Variants in CSGALNACT1 observed in about 807,000 individuals in gnomAD.
The protein encoded by CSGALNACT1 is chondroitin sulfate N-acetylgalactosaminyltransferase 1.
CSGALNACT1 carries 52 observed loss-of-function variants against 51.0 expected under a neutral mutation model. The ratio of observed to expected loss-of-function variants is 1.02; its 90% CI spans 0.82 to 1.29. The LOEUF (loss-of-function observed/expected upper bound fraction) is 1.29. Among genes scored for constraint, CSGALNACT1 ranks in the 50% most tolerant of loss-of-function variants. The probability of loss-of-function intolerance (pLI) is 0.00; values close to 1 mark genes in which losing one functional copy is unlikely to be tolerated. For missense variants in CSGALNACT1, 935 were observed against 679.2 expected (o/e 1.38, Z -4.19); for synonymous variants, 341 against 254.4 (o/e 1.34, Z -3.24).
At chr8:19,706,755 C>T (rs1337127739) in intron 1 of CSGALNACT1, among the ~76,000 whole-genome samples, 2 of 152,142 alleles carry the variant, frequency 1.3e-5, no homozygotes, top group Admixed American at 6.5e-5. Context: ...TCCCTAGTAG[C>T]TGGCACTACA....
At chr8:19,451,167 A>G (rs998761315) in intron 5 of CSGALNACT1, among the ~76,000 whole-genome samples, 2 of 152,160 alleles carry the variant, frequency 1.3e-5, no homozygotes, top group African/African-American at 2.4e-5. Flanking sequence ...GGGTGCTAGG[A>G]GAAACCTCAT....
intron 1 of CSGALNACT1, among the ~76,000 whole-genome samples, chr8:19,647,308 G>A (rs774721810): frequency 1.3e-5 from 2 of 152,160 alleles, no homozygotes; most frequent in Non-Finnish European, 2.9e-5. Flanking sequence ...TCCCAACACT[G>A]TGAGAGGTCA....
chr8:19,628,416 A>C (rs1233469226), intron 1 of CSGALNACT1, among the ~76,000 whole-genome samples: 1 of 152,180 alleles, frequency 6.6e-6, no homozygotes, highest in Non-Finnish European at 1.5e-5. Flanking sequence ...TGCCCACATG[A>C]TCCAGTGACC....
intron 3 of CSGALNACT1, among the ~76,000 whole-genome samples, chr8:19,553,642 A>T (rs34817139): frequency 0.32 from 33,190 of 103,846 alleles, 5,782 homozygotes; most frequent in African/African-American, 0.48. Flanking sequence ...TATATATAAA[A>T]AAATATGTCA....
chr8:19,545,525 G>C (rs561260281), intron 3 of CSGALNACT1, among the ~76,000 whole-genome samples: 2 of 152,210 alleles, frequency 1.3e-5, no homozygotes, highest in South Asian at 4.1e-4. Context: ...CAAGTGTCCT[G>C]ATAGCAAAGA....
chr8:19,578,644 C>A lies in CSGALNACT1; in HGVS notation c.-297+12516G>T, dbSNP rs1423610894. ...TGGGTGTGTTAGATACTACTCTAAA[C>A]TGCGCTACCCACCTCCCTCTAGACC... On this transcript the variant is annotated intron_variant, in intron 3 of 9. Transcript: ENST00000454498. 2.6e-5 allele frequency among the ~76,000 whole-genome samples: 4 copies of A among 152,092 alleles called. No homozygotes were observed. The East Asian group carries it at 7.7e-4, about 29-fold the overall frequency.
intron 1 of CSGALNACT1, among the ~76,000 whole-genome samples, chr8:19,715,748 A>T (rs541551387): frequency 2.0e-5 from 3 of 152,238 alleles, no homozygotes; most frequent in African/African-American, 7.2e-5. Context: ...TAGTTCTGCT[A>T]GGTGTCTAGT....
chr8:19,670,872 C>T (rs1268482782), intron 1 of CSGALNACT1, among the ~76,000 whole-genome samples: 2 of 152,152 alleles, frequency 1.3e-5, no homozygotes, highest in African/African-American at 2.4e-5. Context: ...TATGACTCCC[C>T]TGAAGCCCAG....
chr8:19,528,675 A>C (rs1412376647), intron 3 of CSGALNACT1, among the ~76,000 whole-genome samples: 1 of 152,170 alleles, frequency 6.6e-6, no homozygotes, highest in Non-Finnish European at 1.5e-5. Context: ...CCAAATCTGT[A>C]TGATGGGTTC....
chr8:19,752,942 G>A (rs2065132675), intron 1 of CSGALNACT1, among the ~76,000 whole-genome samples: 1 of 152,146 alleles, frequency 6.6e-6, no homozygotes, highest in Non-Finnish European at 1.5e-5. Context: ...TCCTAAAAAT[G>A]ACTCCCAAGT....
chr8:19,528,696 C>A (rs778731535), intron 3 of CSGALNACT1, among the ~76,000 whole-genome samples: 5 of 152,200 alleles, frequency 3.3e-5, no homozygotes, highest in Non-Finnish European at 5.9e-5. Context: ...TCCCTCAACA[C>A]CCTCTTACTA....
At chr8:19,438,837 C>T (rs372093641) in intron 6 of CSGALNACT1, among the ~76,000 whole-genome samples, 10 of 152,094 alleles carry the variant, frequency 6.6e-5, no homozygotes, top group African/African-American at 2.4e-4. Flanking sequence ...GATCTTGGGC[C>T]CATTAATACA....
Position 19,610,053 on chromosome 8 carries a change from C to A in CSGALNACT1, c.-543-8188G>T, listed in dbSNP as rs185547277. On this transcript the variant is annotated intron_variant, in intron 1 of 9. Transcript: ENST00000332246. Reference sequence around the variant, plus strand: ...CCTGGCTAAGATGGTGAAACCCCGTCTCTACTAAAAATACAAAAGTTAGCC... The same window carrying A: ...CCTGGCTAAGATGGTGAAACCCCGTATCTACTAAAAATACAAAAGTTAGCC... Among the ~76,000 whole-genome samples, 78 of 151,934 alleles carry A rather than the reference C, an allele frequency of 5.1e-4. 2 individuals are homozygous for A. The East Asian group carries it at 9.2e-3, about 18-fold the overall frequency.
rs191524526 is a variant in CSGALNACT1 at position 19,526,603 on chromosome 8, A to G, written c.-296-20473T>C. On this transcript the variant is annotated intron_variant, in intron 3 of 9. Transcript: ENST00000454498. ...TTTCAAAATAATAATAATAATTTAT[A>G]TATAAAAATTGTAGGTAAAAGAGAA... Among the ~76,000 whole-genome samples, 1,003 of 152,180 alleles carry G rather than the reference A, an allele frequency of 6.6e-3. 5 individuals carry two copies. The highest frequency in any genetic ancestry group is 8.9e-3 in the Non-Finnish European group (605 of 68,020).
At chr8:19,653,583 C>G (rs145582190) in intron 1 of CSGALNACT1, among the ~76,000 whole-genome samples, 73 of 152,232 alleles carry the variant, frequency 4.8e-4, no homozygotes, top group African/African-American at 1.7e-3. Flanking sequence ...CACTTGACCC[C>G]AGGAGTTAGA....
chr8:19,646,369 C>A (rs1470476782), intron 1 of CSGALNACT1, among the ~76,000 whole-genome samples: 1 of 152,154 alleles, frequency 6.6e-6, no homozygotes, highest in Non-Finnish European at 1.5e-5. Flanking sequence ...AAGGGCAATT[C>A]TGACAACTTG....
At chr8:19,753,767 A>T (rs1388999937) in intron 1 of CSGALNACT1, among the ~76,000 whole-genome samples, 16 of 152,218 alleles carry the variant, frequency 1.1e-4, no homozygotes, top group Admixed American at 1.0e-3. Flanking sequence ...TTTACATACA[A>T]TATGGCAATA....
chr8:19,581,290 T>G (rs916635164), intron 3 of CSGALNACT1, among the ~76,000 whole-genome samples: 1 of 152,218 alleles, frequency 6.6e-6, no homozygotes, highest in Non-Finnish European at 1.5e-5. Flanking sequence ...CAGATATAAA[T>G]AGCATATTCA....
chr8:19,454,115 G>A (rs952329940), intron 5 of CSGALNACT1, among the ~76,000 whole-genome samples: 49 of 152,312 alleles, frequency 3.2e-4, no homozygotes, highest in African/African-American at 1.2e-3. Context: ...AAAGTCCTGA[G>A]GAATGACAGT....
Sources: allele counts gnomAD v4.1 joint callset (sites outside exome capture counted in the v4.1 genomes callset), GRCh38; gene constraint gnomAD v4.1.1; transcripts MANE v1.5; gene names NCBI Gene and HGNC (gene_info 2026-07-23, HGNC 2026-07-21).